The following STAG1 variants were observed in gnomAD, a reference collection of about 807,000 sequenced individuals.
STAG1 encodes the protein cohesin subunit SA-1.
A neutral mutation model predicts 170.9 loss-of-function variants in STAG1; 26 were observed. The observed-to-expected ratio is 0.15, with a 90% CI of 0.11 to 0.21. The LOEUF (loss-of-function observed/expected upper bound fraction) is 0.21. Among genes scored for constraint, STAG1 ranks in the 10% least tolerant of loss-of-function variants. STAG1 has a pLI of 1.00. For synonymous variants in STAG1, 514 were observed against 497.7 expected, an observed-to-expected ratio of 1.03 and a Z score of -0.44; for missense variants, 964 against 1,509.5, an observed-to-expected ratio of 0.64 and a Z score of 5.99.
At chr3:136,528,114 T>C (rs1336317158) in intron 6 of STAG1, among the ~76,000 whole-genome samples, 1 of 152,180 alleles carries the variant, frequency 6.6e-6, no homozygotes, top group Non-Finnish European at 1.5e-5. Flanking sequence ...CTCAAAGCTG[T>C]CAGACGGGGA....
At position 136,541,728 on chromosome 3, in the gene STAG1, A is replaced by G. The variant is rs189108545; in HGVS notation, c.471+391T>C. Among the ~76,000 whole-genome samples, 31 of 152,314 alleles carry G rather than the reference A, an allele frequency of 2.0e-4. 1 individual carries two copies. Among genetic ancestry groups the G allele is most frequent in the Admixed American group, 2.0e-4 (3 of 15,292 alleles). ...TTATAATCTCTGAGACAGGTATAATATGTGGTCCTGCTTAGAATTCACTGA... is the reference window on the plus strand; with the variant it reads ...TTATAATCTCTGAGACAGGTATAATGTGTGGTCCTGCTTAGAATTCACTGA... On this transcript the variant is annotated intron_variant, in intron 6 of 33. Coordinates refer to ENST00000383202, the MANE Select transcript of STAG1 (RefSeq NM_005862.3).
chr3:136,401,562 T>G (rs2087326540), intron 21 of STAG1, among the ~76,000 whole-genome samples: 1 of 152,162 alleles, frequency 6.6e-6, no homozygotes, highest in Non-Finnish European at 1.5e-5. Context: ...GGGAATTCTA[T>G]TACATATGGG....
intron 1 of STAG1, among the ~76,000 whole-genome samples, chr3:136,720,322 A>C (rs1309448988): frequency 6.6e-6 from 1 of 152,182 alleles, no homozygotes; most frequent in African/African-American, 2.4e-5. Flanking sequence ...AGATCTTGTA[A>C]ATGATTATAT....
intron 23 of STAG1, among the ~76,000 whole-genome samples, chr3:136,373,601 T>A (rs1462882870): frequency 6.6e-6 from 1 of 152,222 alleles, no homozygotes; most frequent in African/African-American, 2.4e-5. Flanking sequence ...TTCATTTCAT[T>A]ATGTACCCAG....
At chr3:136,587,643 A>G (rs961135911) in intron 4 of STAG1, among the ~76,000 whole-genome samples, 2 of 152,060 alleles carry the variant, frequency 1.3e-5, no homozygotes, top group African/African-American at 4.8e-5. Context: ...GGAAAACAGA[A>G]CTAAATTGCT....
chr3:136,415,410 C>T (rs1053348962), intron 21 of STAG1, among the ~76,000 whole-genome samples: 1 of 152,146 alleles, frequency 6.6e-6, no homozygotes, highest in Non-Finnish European at 1.5e-5. Flanking sequence ...AAACATTAAG[C>T]ACAACTGAGG....
intron 1 of STAG1, among the ~76,000 whole-genome samples, chr3:136,699,144 G>A (rs1216812407): frequency 2.0e-5 from 3 of 152,122 alleles, no homozygotes; most frequent in Non-Finnish European, 2.9e-5. Context: ...GACAGGTACA[G>A]TAAAATCTCA....
chr3:136,535,556 G>A (rs2107716740), intron 6 of STAG1, among the ~76,000 whole-genome samples: 1 of 152,288 alleles, frequency 6.6e-6, no homozygotes, highest in South Asian at 2.1e-4. Context: ...CCAGCTACTT[G>A]GGTGGCTGAA....
intron 1 of STAG1, among the ~76,000 whole-genome samples, chr3:136,696,993 T>C (rs928672935): frequency 6.6e-6 from 1 of 152,182 alleles, no homozygotes; most frequent in Non-Finnish European, 1.5e-5. Context: ...AAAAAAAGTT[T>C]TGAATTTTAC....
At chr3:136,494,366 C>T (rs369932785) in intron 9 of STAG1, among the ~76,000 whole-genome samples, 1 of 152,064 alleles carries the variant, frequency 6.6e-6, no homozygotes, top group Non-Finnish European at 1.5e-5. Flanking sequence ...AAAGAAAAGC[C>T]TGGTATTAAA....
intron 1 of STAG1, among the ~76,000 whole-genome samples, chr3:136,680,871 G>A (rs1942308712): frequency 6.6e-6 from 1 of 151,548 alleles, no homozygotes; most frequent in African/African-American, 2.4e-5. Flanking sequence ...ATGGGGGATT[G>A]GTTCCAGGAC....
chr3:136,608,280 A>G (rs1481758910), intron 3 of STAG1, among the ~76,000 whole-genome samples: 1 of 151,356 alleles, frequency 6.6e-6, no homozygotes, highest in Non-Finnish European at 1.5e-5. Flanking sequence ...AAAACTGCAC[A>G]CTGGTAATAC....
At chr3:136,529,049 A>G (rs1343688590) in intron 6 of STAG1, among the ~76,000 whole-genome samples, 4 of 152,190 alleles carry the variant, frequency 2.6e-5, no homozygotes, top group African/African-American at 4.8e-5. Context: ...AGCTTCAACA[A>G]AAGACTGGAT....
chr3:136,743,470 T>C (rs185648921), intron 1 of STAG1, among the ~76,000 whole-genome samples: 2 of 152,004 alleles, frequency 1.3e-5, no homozygotes, highest in East Asian at 1.9e-4. Context: ...TACAAACTCC[T>C]GCCAATCAAT....
chr3:136,713,204 G>A (rs1299070299), intron 1 of STAG1, among the ~76,000 whole-genome samples: 2 of 152,272 alleles, frequency 1.3e-5, no homozygotes, highest in East Asian at 1.9e-4. Flanking sequence ...AATCACACAA[G>A]TATATAGTTC....
chr3:136,504,547 T>C (rs1168023936), intron 7 of STAG1, among the ~76,000 whole-genome samples: 1 of 152,192 alleles, frequency 6.6e-6, no homozygotes, highest in Non-Finnish European at 1.5e-5. Flanking sequence ...TTAAACTGTA[T>C]AAGGAAAGAG....
intron 1 of STAG1, among the ~76,000 whole-genome samples, chr3:136,636,248 C>CAA (rs145310398): frequency 1.5e-5 from 2 of 133,116 alleles, no homozygotes; most frequent in Non-Finnish European, 3.3e-5. Context: ...AACTCTGTCT[C>CAA]AAAAAAAAAA....
intron 20 of STAG1, among the ~76,000 whole-genome samples, chr3:136,420,446 C>T (rs2087919197): frequency 6.6e-6 from 1 of 152,126 alleles, no homozygotes; most frequent in African/African-American, 2.4e-5. Context: ...AATCCACCTC[C>T]CTTGGCTTCC....
intron 5 of STAG1, among the ~76,000 whole-genome samples, chr3:136,564,174 C>T (rs72971434): frequency 1.7e-4 from 26 of 152,248 alleles, no homozygotes; most frequent in African/African-American, 6.3e-4. Context: ...CAATATTTTC[C>T]AGTAACAAAT....
Sources: allele counts gnomAD v4.1 joint callset (sites outside exome capture counted in the v4.1 genomes callset), GRCh38; gene constraint gnomAD v4.1.1; transcripts MANE v1.5; gene names NCBI Gene and HGNC (gene_info 2026-07-23, HGNC 2026-07-21).